Variants in CEP128 observed in about 807,000 individuals in gnomAD.
CEP128 encodes centrosomal protein 128, also known as centrosomal protein 128kDa.
CEP128 carries 132 observed loss-of-function variants against 156.7 expected under a neutral mutation model. That is an observed-to-expected ratio of 0.84 (90% CI 0.73 to 0.97). The LOEUF (loss-of-function observed/expected upper bound fraction) is 0.97. CEP128 is among the 50% of genes least tolerant of loss of function. The pLI is 0.00. For missense variants in CEP128, 1,252 were observed against 1,281.9 expected (o/e 0.98, Z 0.36); for synonymous variants, 469 against 448.9 (o/e 1.04, Z -0.57).
chr14:80,795,870 T>G (rs1883440202), intron 13 of CEP128, among the ~76,000 whole-genome samples: 1 of 152,210 alleles, frequency 6.6e-6, no homozygotes, highest in African/African-American at 2.4e-5. Context: ...GGATTCTTCC[T>G]TAGACAAATA....
rs757361211 is a variant in CEP128 at position 80,647,118 on chromosome 14, CACACACAT to C, written c.2807-66703_2807-66696del. Among the ~76,000 whole-genome samples, 124 of 121,374 alleles carry C rather than the reference CACACACAT, an allele frequency of 1.0e-3. 15 individuals carry two copies. The highest frequency in any genetic ancestry group is 4.5e-3 in the South Asian group (16 of 3,590). 79.6% of individuals were successfully genotyped at this position (121,374 alleles called of 152,430 possible). A position where few individuals can be genotyped will look rare whatever the true frequency, so the allele number is the denominator to read the frequency against. On this transcript the variant is annotated intron_variant, in intron 19 of 24. Transcript: ENST00000555265. The stretch of plus-strand genomic sequence containing the variant: ...TTATAAATACACATACACACACACA[CACACACAT>C]ACACACACACACACACACACACTGC...
intron 19 of CEP128, among the ~76,000 whole-genome samples, chr14:80,740,920 G>A (rs1898800344): frequency 6.6e-6 from 1 of 152,090 alleles, no homozygotes; most frequent in African/African-American, 2.4e-5. Context: ...AGGAATTGGT[G>A]AAGGTCCCAC....
intron 17 of CEP128, among the ~76,000 whole-genome samples, chr14:80,757,453 C>T (rs565473113): frequency 1.8e-4 from 27 of 152,294 alleles, no homozygotes; most frequent in African/African-American, 6.5e-4. Flanking sequence ...CATGACTTCA[C>T]GCAAACATTG....
chr14:80,831,005 T>A (rs1885760083), intron 13 of CEP128, 138 bp downstream of exon 13: 1 of 731,012 alleles, frequency 1.4e-6, no homozygotes, highest in Admixed American at 2.4e-5. Context: ...AGTAAATCAG[T>A]CATTAATATA....
At chr14:80,720,666 G>A (rs1224860847) in intron 19 of CEP128, among the ~76,000 whole-genome samples, 1 of 152,130 alleles carries the variant, frequency 6.6e-6, no homozygotes, top group Non-Finnish European at 1.5e-5. Context: ...TTCCTGTGTA[G>A]CTAATAAAAG....
chr14:80,664,280 C>T (rs1895522716), intron 19 of CEP128, among the ~76,000 whole-genome samples: 1 of 152,096 alleles, frequency 6.6e-6, no homozygotes, highest in Admixed American at 6.6e-5. Flanking sequence ...GTGTCAGAAG[C>T]AATAGACAGA....
rs1316479566 is a variant in CEP128 at position 80,526,988 on chromosome 14, A to G, written c.2959-6T>C. The stretch of plus-strand genomic sequence containing the variant: ...TCAGATGAACTGCAGGAATCCTGGA[A>G]AAAAAAAAAAGCAAAGGGTCTGAAC... On this transcript the variant is annotated splice_region_variant and splice_polypyrimidine_tract_variant and intron_variant, in intron 22 of 24. Coordinates refer to ENST00000555265, the MANE Select transcript of CEP128 (RefSeq NM_152446.5). 3 of 1,421,644 alleles carry G rather than the reference A, an allele frequency of 2.1e-6. No individual in the cohort carries two copies. The highest frequency in any genetic ancestry group is 2.9e-5 in the African/African-American group (2 of 68,380). The allele number at this position is 1,421,644 out of a possible 1,614,324, so 88.1% of individuals were successfully genotyped here. A position where few individuals can be genotyped will look rare whatever the true frequency, so the allele number is the denominator to read the frequency against.
chr14:80,793,204 G>C, intron 13 of CEP128, 94 bp from the exon 14 acceptor site: 2 of 906,804 alleles, frequency 2.2e-6, no homozygotes, highest in African/African-American at 1.7e-5. Flanking sequence ...TGTCACTGAA[G>C]TGGAAATCAT....
intron 23 of CEP128, among the ~76,000 whole-genome samples, chr14:80,523,734 G>A (rs1361354030): frequency 6.6e-6 from 1 of 152,154 alleles, no homozygotes; most frequent in Non-Finnish European, 1.5e-5. Context: ...TAAGTATTAT[G>A]ACTTTCCAAA....
intron 8 of CEP128, among the ~76,000 whole-genome samples, chr14:80,879,949 A>G (rs1414677191): frequency 6.6e-6 from 1 of 152,236 alleles, no homozygotes; most frequent in East Asian, 1.9e-4. Context: ...CTTCCAAAAA[A>G]TGGAGCTAGA....
chr14:80,511,155 A>G (rs185473953), intron 23 of CEP128, among the ~76,000 whole-genome samples: 2 of 149,976 alleles, frequency 1.3e-5, no homozygotes, highest in African/African-American at 2.5e-5. Context: ...CTCCTCCTCT[A>G]TTCTTTGAAA....
chr14:80,874,341 G>A (rs186068793), intron 8 of CEP128, among the ~76,000 whole-genome samples: 4 of 151,950 alleles, frequency 2.6e-5, no homozygotes, highest in African/African-American at 9.6e-5. Context: ...GTGTACAACT[G>A]TAATCCCAGT....
chr14:80,570,780 G>A (rs1181636495), intron 20 of CEP128, among the ~76,000 whole-genome samples: 1 of 152,006 alleles, frequency 6.6e-6, no homozygotes, highest in Non-Finnish European at 1.5e-5. Flanking sequence ...GGTTTTCCAT[G>A]GTAGAGGTTA....
intron 21 of CEP128, among the ~76,000 whole-genome samples, chr14:80,535,096 T>C (rs1274863739): frequency 6.6e-6 from 1 of 152,188 alleles, no homozygotes; most frequent in African/African-American, 2.4e-5. Flanking sequence ...GATCAGTTAA[T>C]CTTAATCCTG....
intron 9 of CEP128, among the ~76,000 whole-genome samples, chr14:80,845,869 G>T (rs1469815943): frequency 6.6e-6 from 1 of 152,048 alleles, no homozygotes; most frequent in African/African-American, 2.4e-5. Flanking sequence ...TAAACAGATG[G>T]CCTAGCATAA....
chr14:80,595,435 A>G (rs542184889), intron 19 of CEP128, among the ~76,000 whole-genome samples: 1 of 152,308 alleles, frequency 6.6e-6, no homozygotes, highest in Admixed American at 6.5e-5. Flanking sequence ...ACAAACCTGC[A>G]TGTTCTTCAC....
chr14:80,856,353 G>A (rs1887155221), intron 9 of CEP128, among the ~76,000 whole-genome samples: 1 of 152,046 alleles, frequency 6.6e-6, no homozygotes, highest in Admixed American at 6.6e-5. Context: ...GCTATAAAAT[G>A]CTCTGAAGAC....
At chr14:80,479,078 C>G (rs1450802448) in intron 14 of CEP128, among the ~76,000 whole-genome samples, 1 of 152,162 alleles carries the variant, frequency 6.6e-6, no homozygotes, top group East Asian at 1.9e-4. Context: ...AGTCTCCTAA[C>G]AGCTCTTTTA....
At chr14:80,715,438 G>A (rs1034883426) in intron 19 of CEP128, among the ~76,000 whole-genome samples, 2 of 152,074 alleles carry the variant, frequency 1.3e-5, no homozygotes, top group African/African-American at 4.8e-5. Flanking sequence ...GTTCTATTAG[G>A]CCGTGGGTGA....
Sources: gnomAD v4.1 joint callset for allele counts (sites outside exome capture counted in the v4.1 genomes callset) on GRCh38, gnomAD v4.1.1 for gene constraint, MANE v1.5 for transcripts, NCBI Gene and HGNC (gene_info 2026-07-23, HGNC 2026-07-21) for gene names.